The following COG2 variants were observed in gnomAD, a reference collection of about 807,000 sequenced individuals.
COG2 encodes the protein component of oligomeric golgi complex 2, also known as conserved oligomeric Golgi complex subunit 2.
Under a neutral mutation model 90.6 loss-of-function variants are expected in COG2, and 52 were observed. The ratio of observed to expected loss-of-function variants is 0.57; its 90% confidence interval spans 0.46 to 0.72. The LOEUF (loss-of-function observed/expected upper bound fraction) is 0.72. COG2 is among the 30% of genes least tolerant of loss of function. The probability of loss-of-function intolerance (pLI) is 0.00; values close to 1 mark genes in which losing one functional copy is unlikely to be tolerated. For missense variants in COG2, 829 were observed against 891.2 expected (o/e 0.93, Z 0.89); for synonymous variants, 337 against 320.4 (o/e 1.05, Z -0.55).
intron 15 of COG2, among the ~76,000 whole-genome samples, chr1:230,688,791 A>G (rs1662950612): frequency 6.6e-6 from 1 of 152,176 alleles, no homozygotes; most frequent in African/African-American, 2.4e-5. Context: ...TCCTAAAAGT[A>G]TTTAAGGATA....
intron 3 of COG2, among the ~76,000 whole-genome samples, chr1:230,662,199 C>G (rs1046426887): frequency 6.6e-6 from 1 of 152,168 alleles, no homozygotes; most frequent in African/African-American, 2.4e-5. Flanking sequence ...ACAGCTGTCT[C>G]TATAGCCACC....
In COG2 at chr1:230,675,136, C is replaced by T. The variant is rs1156972694; in HGVS notation, c.1026+12C>T. ...ATGCATTTCATGAGGTATCTCCCCGCCCGTCGTCTTGATTCTTGAAGATGT... is the reference window on the plus strand; with the variant it reads ...ATGCATTTCATGAGGTATCTCCCCGTCCGTCGTCTTGATTCTTGAAGATGT... On this transcript the variant is annotated intron_variant, in intron 9 of 17. Transcript: ENST00000366669. 6.2e-7 allele frequency: 1 copy of T among 1,604,006 alleles called. No homozygotes were observed. Among genetic ancestry groups the T allele is most frequent in the Non-Finnish European group, 8.5e-7 (1 of 1,175,084 alleles).
intron 5 of COG2, among the ~76,000 whole-genome samples, chr1:230,665,197 G>T (rs903880575): frequency 1.3e-5 from 2 of 152,112 alleles, no homozygotes; most frequent in African/African-American, 2.4e-5. Context: ...ATGGTGCAGT[G>T]GAAAGAGCAT....
chr1:230,678,443 T>A, intron 9 of COG2: 1 of 985,370 alleles, frequency 1.0e-6, no homozygotes, highest in Non-Finnish European at 1.2e-6. Flanking sequence ...TTGGTACATC[T>A]CCCTGTCAGT....
chr1:230,659,617 A>G lies in COG2; in HGVS notation c.226A>G (p.Thr76Ala). Residue 76 changes from threonine to alanine, a missense_variant, in exon 2 of 18, where the codon ACA becomes GCA. Coordinates refer to ENST00000366669, the MANE Select transcript of COG2 (RefSeq NM_007357.3). ...TTATGCAGATTTTGTCAATCTTTCA[A>G]CAAACTTGGTAAACTTTAAATCCAC... ...KDYADFVNLS[T>A]NLVGMDKALN... The G allele has an allele frequency of 2.5e-6, 4 of 1,613,152 alleles. No homozygotes were observed. Among genetic ancestry groups the G allele is most frequent in the Non-Finnish European group, 2.5e-6 (3 of 1,179,688 alleles).
At chr1:230,662,315 A>G (rs185513889) in intron 3 of COG2, among the ~76,000 whole-genome samples, 105 of 152,326 alleles carry the variant, frequency 6.9e-4, no homozygotes, top group African/African-American at 2.5e-3. Flanking sequence ...GACTATTTCT[A>G]TCTTGTTCAC....
At chr1:230,646,038 C>T (rs1456544583) in intron 1 of COG2, among the ~76,000 whole-genome samples, 1 of 152,124 alleles carries the variant, frequency 6.6e-6, no homozygotes, top group Non-Finnish European at 1.5e-5. Context: ...TGCCTGGATC[C>T]GGTGCCCTCT....
Position 230,642,659 on chromosome 1 carries a change from A to G in COG2, c.53A>G (p.Asp18Gly). Residue 18 changes from aspartate to glycine, a missense_variant, in exon 1 of 18, where the codon GAC becomes GGC. Physicochemically the swap from Asp to Gly is moderately conservative, Grantham distance 94. Coordinates refer to ENST00000366669, the MANE Select transcript of COG2 (RefSeq NM_007357.3). ...LPKGPDTLCF[D>G]KDEFMKEDFD... ...AAGGGGCCGGACACGCTCTGCTTCGACAAGGACGAGTTCATGAAGGTGCGC... is the reference window on the plus strand; with the variant it reads ...AAGGGGCCGGACACGCTCTGCTTCGGCAAGGACGAGTTCATGAAGGTGCGC... 1 of 1,613,114 alleles carries G rather than the reference A, an allele frequency of 6.2e-7. No individual in the cohort carries two copies. The highest frequency in any genetic ancestry group is 8.5e-7 in the Non-Finnish European group (1 of 1,179,624).
intron 10 of COG2, chr1:230,682,881 C>A (rs1236322119): frequency 6.6e-6 from 1 of 152,170 alleles, no homozygotes; most frequent in Non-Finnish European, 1.5e-5. Context: ...ACACATTTGC[C>A]TTTCACAAAG....
rs182572084 is a variant in COG2, at chr1:230,663,017, A to G, written c.301-124A>G. 2.6e-4 allele frequency: 153 copies of G among 580,608 alleles called. No homozygotes were observed. In the African/African-American group the frequency reaches 2.8e-3, roughly 11 times the overall value. The allele number at this position is 580,608 out of a possible 1,614,324, so 36.0% of individuals were successfully genotyped here. The stretch of plus-strand genomic sequence containing the variant: ...CAGCAATTGTGTCTAATATTTTGTA[A>G]TTTGTCAATATCTGTGTAATACTGG... On this transcript the variant is annotated intron_variant, in intron 3 of 17. Transcript: ENST00000366669.
At chr1:230,649,943 A>G (rs936896353) in intron 1 of COG2, among the ~76,000 whole-genome samples, 5 of 152,130 alleles carry the variant, frequency 3.3e-5, no homozygotes, top group Admixed American at 6.5e-5. Context: ...CCCATCATTT[A>G]TGTCCCACTT....
At position 230,659,605 on chromosome 1, in the gene COG2, G is replaced by T. The variant is rs766318691; in HGVS notation, c.214G>T (p.Val72Phe). 6.2e-6 allele frequency: 10 copies of T among 1,613,080 alleles called. No homozygotes were observed. The highest frequency in any genetic ancestry group is 8.5e-6 in the Non-Finnish European group (10 of 1,179,668). ...CATCAACAAGGATTATGCAGATTTT[G>T]TCAATCTTTCAACAAACTTGGTAAA... ...ELINKDYADF[V>F]NLSTNLVGMD... Residue 72 changes from valine (V) to phenylalanine (F), a missense_variant, in exon 2 of 18, where the codon GTC becomes TTC. Transcript: ENST00000366669.
chr1:230,678,739 TTATG>T (rs1440509493), intron 9 of COG2, 170 bp from the exon 10 acceptor site: 1 of 1,511,742 alleles, frequency 6.6e-7, no homozygotes, highest in African/African-American at 1.4e-5. Context: ...CTTTGGGCAT[TTATG>T]TATCTTTAAA....
At chr1:230,653,238 G>A (rs1661957958) in intron 1 of COG2, among the ~76,000 whole-genome samples, 1 of 147,800 alleles carries the variant, frequency 6.8e-6, no homozygotes, top group Admixed American at 6.7e-5. Context: ...TTTTTTTTGG[G>A]GAGACAGAGT....
At chr1:230,660,513 C>G (rs1256205796) in intron 2 of COG2, among the ~76,000 whole-genome samples, 1 of 152,018 alleles carries the variant, frequency 6.6e-6, no homozygotes, top group Non-Finnish European at 1.5e-5. Context: ...CCTAAGGAGG[C>G]TTTTATTTAT....
chr1:230,686,771 T>C (rs1231282436), intron 12 of COG2, among the ~76,000 whole-genome samples, 164 bp from the exon 13 acceptor site: 1 of 152,210 alleles, frequency 6.6e-6, no homozygotes, highest in East Asian at 1.9e-4. Context: ...CTTCACTCCT[T>C]CCTGTAGATA....
intron 9 of COG2, among the ~76,000 whole-genome samples, chr1:230,675,843 A>G (rs1203256996): frequency 6.6e-6 from 1 of 151,752 alleles, no homozygotes; most frequent in Non-Finnish European, 1.5e-5. Context: ...TTCTGTGGAG[A>G]TGGGTCTCAC....
At chr1:230,650,762 C>T (rs1661897378) in intron 1 of COG2, among the ~76,000 whole-genome samples, 1 of 152,116 alleles carries the variant, frequency 6.6e-6, no homozygotes. Context: ...GTCATAAATC[C>T]TTTGCCTAGG....
At chr1:230,661,029 A>G (rs1160707588) in intron 3 of COG2, among the ~76,000 whole-genome samples, 2 of 152,118 alleles carry the variant, frequency 1.3e-5, no homozygotes, top group African/African-American at 2.4e-5. Context: ...GTTATGTTTG[A>G]TTTGAATATG....
Sources: allele counts gnomAD v4.1 joint callset (sites outside exome capture counted in the v4.1 genomes callset), GRCh38; gene constraint gnomAD v4.1.1; transcripts MANE v1.5; gene names NCBI Gene and HGNC (gene_info 2026-07-23, HGNC 2026-07-21).